ARIH1: variants seen among roughly 807,000 people sequenced by gnomAD.
ARIH1 encodes the protein ariadne RBR E3 ubiquitin protein ligase 1.
In ARIH1, 8 loss-of-function variants were observed where a neutral mutation model predicts 85.0. The observed-to-expected ratio is 0.09, with a 90% CI of 0.06 to 0.17. The LOEUF (loss-of-function observed/expected upper bound fraction) is 0.17, where lower values mean the gene tolerates loss of function less well. ARIH1 is among the 10% of genes least tolerant of loss of function. The pLI, the probability that ARIH1 is intolerant of heterozygous loss-of-function variation, is 1.00. For missense variants in ARIH1, 311 were observed against 718.1 expected (o/e 0.43, Z 6.48); for synonymous variants, 238 against 253.6 (o/e 0.94, Z 0.59).
intron 11 of ARIH1, among the ~76,000 whole-genome samples, chr15:72,573,676 T>C (rs2064258125): frequency 6.6e-6 from 1 of 151,760 alleles, no homozygotes; most frequent in Non-Finnish European, 1.5e-5. Flanking sequence ...AATTCCAATA[T>C]TGATTTAAAT....
intron 9 of ARIH1, among the ~76,000 whole-genome samples, chr15:72,567,673 A>C (rs771085583): frequency 6.6e-6 from 1 of 152,194 alleles, no homozygotes; most frequent in Non-Finnish European, 1.5e-5. Context: ...AATCTTGAGT[A>C]CCCTTCTCCT....
At chr15:72,575,440 G>A (rs1232078320) in intron 11 of ARIH1, among the ~76,000 whole-genome samples, 1 of 149,722 alleles carries the variant, frequency 6.7e-6, no homozygotes, top group Non-Finnish European at 1.5e-5. Flanking sequence ...AGCCAGGTAT[G>A]GTAGTGCACG....
chr15:72,544,252 A>C (rs1290326525), intron 2 of ARIH1, among the ~76,000 whole-genome samples: 1 of 152,206 alleles, frequency 6.6e-6, no homozygotes, highest in African/African-American at 2.4e-5. Context: ...AAAATGAGAC[A>C]CGTAATAATT....
At chr15:72,571,933 TA>T (rs1207607893) in intron 10 of ARIH1, among the ~76,000 whole-genome samples, 174 bp from the exon 11 acceptor site, 1 of 152,228 alleles carries the variant, frequency 6.6e-6, no homozygotes, top group Admixed American at 6.5e-5. Context: ...TTCAGCCTGC[TA>T]ATTCTGTCAT....
intron 1 of ARIH1, among the ~76,000 whole-genome samples, chr15:72,508,454 T>C (rs2140405471): frequency 6.6e-6 from 1 of 152,302 alleles, no homozygotes; most frequent in South Asian, 2.1e-4. Flanking sequence ...TAATCATAAA[T>C]TAAAAAATAA....
At chr15:72,479,776 A>T (rs1248728067) in intron 1 of ARIH1, among the ~76,000 whole-genome samples, 6 of 152,138 alleles carry the variant, frequency 3.9e-5, no homozygotes, top group Non-Finnish European at 8.8e-5. Context: ...GTTGGTTCGA[A>T]AGCTGTATTT....
intron 13 of ARIH1, 137 bp from the exon 14 acceptor site, chr15:72,583,071 T>C: frequency 1.6e-6 from 1 of 613,348 alleles, no homozygotes; most frequent in Non-Finnish European, 2.8e-6. Context: ...CCTGAACATG[T>C]GCCTATTAAA....
At chr15:72,480,927 A>G (rs1018504576) in intron 1 of ARIH1, among the ~76,000 whole-genome samples, 1 of 152,244 alleles carries the variant, frequency 6.6e-6, no homozygotes, top group East Asian at 1.9e-4. Flanking sequence ...CCTTTTTTAC[A>G]TTAAGTGTTT....
chr15:72,580,923 G>T lies in ARIH1; in HGVS notation c.1408G>T (p.Ala470Ser). The change falls in exon 12 of 14, where the codon GCC (alanine) becomes TCC (serine). Residue 470 changes from alanine (A) to serine (S), a missense_variant. Transcript: ENST00000379887. ...KAVDVLCQCR[A>S]TLMYTYVFAF... Reference sequence around the variant, plus strand: ...AGTTGATGTCCTCTGCCAGTGTCGTGCCACACTCATGTACACTTATGTCTT... The same window carrying T: ...AGTTGATGTCCTCTGCCAGTGTCGTTCCACACTCATGTACACTTATGTCTT... The T allele has an allele frequency of 2.5e-6, 4 of 1,614,076 alleles. No homozygotes were observed. Among genetic ancestry groups the T allele is most frequent in the Non-Finnish European group, 3.4e-6 (4 of 1,179,992 alleles).
At chr15:72,523,939 C>CTTTTT (rs397853910) in intron 2 of ARIH1, among the ~76,000 whole-genome samples, 116 of 61,676 alleles carry the variant, frequency 1.9e-3, no homozygotes, top group Middle Eastern at 0.013. Context: ...ACTTTTACAT[C>CTTTTT]TTTTTTTTTT....
intron 5 of ARIH1, 32 bp downstream of exon 5, chr15:72,555,939 T>C (rs1023367263): frequency 6.3e-7 from 1 of 1,580,932 alleles, no homozygotes; most frequent in Non-Finnish European, 8.7e-7. Flanking sequence ...TGCATGTGAA[T>C]ATTGGTTAGT....
chr15:72,510,936 A>T lies in ARIH1; in HGVS notation c.376-7131A>T, dbSNP rs1274428748. On this transcript the variant is annotated intron_variant, in intron 1 of 13. Coordinates refer to ENST00000379887, the MANE Select transcript of ARIH1 (RefSeq NM_005744.5). ...TTGAAATCAGGTGTTCTGTTTTAAAATTTTTCAAAATTTGGCCACTCTAGT... is the reference window on the plus strand; with the variant it reads ...TTGAAATCAGGTGTTCTGTTTTAAATTTTTTCAAAATTTGGCCACTCTAGT... 4.0e-5 allele frequency among the ~76,000 whole-genome samples: 6 copies of T among 151,816 alleles called. No homozygotes were observed. In the East Asian group the frequency reaches 1.2e-3, roughly 29 times the overall value.
chr15:72,488,033 TTCTG>T (rs2063844155), intron 1 of ARIH1, among the ~76,000 whole-genome samples: 1 of 152,142 alleles, frequency 6.6e-6, no homozygotes, highest in Non-Finnish European at 1.5e-5. Flanking sequence ...TTTCTTTTCT[TTCTG>T]TCTCTCTTTT....
In ARIH1 at chr15:72,582,458, A is replaced by G. The variant is rs986248323; in HGVS notation, c.1589+271A>G. On this transcript the variant is annotated intron_variant, in intron 13 of 13. Transcript: ENST00000379887. The surrounding 1 kb of genome is among the most constrained non-coding windows in gnomAD (Gnocchi z 4.6). ...TACCTTGCAAGGAAGAAAGAATCCA[A>G]AAAGGCCAAGTGGCCTTTAGGATGA... is the stretch of plus-strand genomic sequence containing the variant. Among the ~76,000 whole-genome samples, 1 of 152,148 alleles carries G rather than the reference A, an allele frequency of 6.6e-6. No homozygotes were observed. The highest frequency in any genetic ancestry group is 2.4e-5 in the African/African-American group (1 of 41,434).
chr15:72,564,051 C>T (rs926450916), intron 7 of ARIH1, among the ~76,000 whole-genome samples: 1 of 152,068 alleles, frequency 6.6e-6, no homozygotes, highest in African/African-American at 2.4e-5. Context: ...AGTTCAGGCT[C>T]CTTTATAGGT....
At position 72,593,304 on chromosome 15, in the gene ARIH1, T is replaced by C. The variant is rs1467356928; in HGVS notation, c.*10012T>C. ...TTGAATATAAATCCTTTGATAGATATGCTATGATTTTTTAAAGACTCTATG... is the reference window on the plus strand; with the variant it reads ...TTGAATATAAATCCTTTGATAGATACGCTATGATTTTTTAAAGACTCTATG... On this transcript the variant is annotated 3_prime_UTR_variant, in exon 14 of 14. Transcript: ENST00000379887. The C allele has an allele frequency of 1.3e-5, 2 of 152,162 alleles. No individual in the cohort carries two copies. Among genetic ancestry groups the C allele is most frequent in the Non-Finnish European group, 2.9e-5 (2 of 68,016 alleles). 9.4% of individuals were successfully genotyped at this position (152,162 alleles called of 1,614,324 possible). A position where few individuals can be genotyped will look rare whatever the true frequency, so the allele number is the denominator to read the frequency against.
In ARIH1 at chr15:72,506,988, GTATGTATGTA is replaced by G. The variant is rs2063928700; in HGVS notation, c.376-11077_376-11068del. On this transcript the variant is annotated intron_variant, in intron 1 of 13. Coordinates refer to ENST00000379887, the MANE Select transcript of ARIH1 (RefSeq NM_005744.5). ...TTTGGTTGTGATTATTTTTATGTAT[GTATGTATGTA>G]TGTATGTATGTATGTATGTATGTAT... Among the ~76,000 whole-genome samples the G allele has an allele frequency of 6.1e-4, 4 of 6,576 alleles. No homozygotes were observed. The Non-Finnish European group carries it at 0.038, about 63-fold the overall frequency. 4.3% of individuals were successfully genotyped at this position (6,576 alleles called of 152,430 possible). A position where few individuals can be genotyped will look rare whatever the true frequency, so the allele number is the denominator to read the frequency against.
intron 2 of ARIH1, among the ~76,000 whole-genome samples, chr15:72,538,257 C>T (rs2064091589): frequency 6.6e-6 from 1 of 152,120 alleles, no homozygotes. Flanking sequence ...TCCGCTACTC[C>T]AGAGGCTGAG....
chr15:72,544,797 T>C (rs756567197), intron 2 of ARIH1, 23 bp from the exon 3 acceptor site: 13 of 1,599,952 alleles, frequency 8.1e-6, no homozygotes, highest in Non-Finnish European at 9.4e-6. Context: ...TGGGCTCTTA[T>C]CCTTTCTGTT....
Sources: allele counts gnomAD v4.1 joint callset (sites outside exome capture counted in the v4.1 genomes callset), GRCh38; gene constraint gnomAD v4.1.1; non-coding constraint Gnocchi (gnomAD v3.1); transcripts MANE v1.5; gene names NCBI Gene and HGNC (gene_info 2026-07-23, HGNC 2026-07-21).